The following LRRC4C variants were observed in gnomAD, a reference collection of about 807,000 sequenced individuals.
The protein encoded by LRRC4C is leucine rich repeat containing 4C.
A neutral mutation model predicts 33.6 loss-of-function variants in LRRC4C; 5 were observed. That is an observed-to-expected ratio of 0.15 (90% CI 0.08 to 0.31). LRRC4C has a LOEUF of 0.31. LRRC4C is among the 10% of genes least tolerant of loss of function. The pLI, the probability that LRRC4C is intolerant of heterozygous loss-of-function variation, is 1.00. For synonymous variants in LRRC4C, 329 were observed against 302.0 expected (o/e 1.09, Z -0.93); for missense variants, 560 against 796.7 (o/e 0.70, Z 3.58).
At chr11:40,700,892 T>C (rs572546307) in intron 2 of LRRC4C, among the ~76,000 whole-genome samples, 37 of 152,348 alleles carry the variant, frequency 2.4e-4, no homozygotes, top group South Asian at 1.4e-3. Context: ...CCTTTATGCA[T>C]ATGCATATAT....
intron 1 of LRRC4C, among the ~76,000 whole-genome samples, chr11:41,223,454 C>A (rs958502242): frequency 6.6e-6 from 1 of 152,128 alleles, no homozygotes; most frequent in Admixed American, 6.6e-5. Context: ...ATTATTTATT[C>A]ATTCATTCAT....
intron 3 of LRRC4C, among the ~76,000 whole-genome samples, chr11:40,383,513 C>T (rs1235286984): frequency 6.6e-6 from 1 of 152,042 alleles, no homozygotes; most frequent in East Asian, 1.9e-4. Flanking sequence ...ACATTCTTAC[C>T]AACATTTGTT....
At chr11:41,458,771 C>T (rs767837380) in intron 1 of LRRC4C, among the ~76,000 whole-genome samples, 1 of 152,010 alleles carries the variant, frequency 6.6e-6, no homozygotes, top group Admixed American at 6.6e-5. Context: ...AATCAGGGGA[C>T]ACTGCATTCC....
chr11:40,774,927 G>T (rs1260017746), intron 2 of LRRC4C, among the ~76,000 whole-genome samples: 1 of 151,878 alleles, frequency 6.6e-6, no homozygotes, highest in African/African-American at 2.4e-5. Flanking sequence ...ATAATTATCT[G>T]CTGGCATATT....
At chr11:40,295,964 G>T (rs1471767660) in intron 4 of LRRC4C, among the ~76,000 whole-genome samples, 1 of 152,142 alleles carries the variant, frequency 6.6e-6, no homozygotes, top group Non-Finnish European at 1.5e-5. Context: ...AGCTTCAAAG[G>T]AGTCTATCCT....
intron 1 of LRRC4C, among the ~76,000 whole-genome samples, chr11:40,971,471 GC>G (rs1565257017): frequency 1.3e-5 from 2 of 152,226 alleles, no homozygotes; most frequent in Admixed American, 6.5e-5. Flanking sequence ...AGACTTGGGA[GC>G]CCCCATCTAG....
At chr11:40,317,939 C>T (rs753357034) in intron 4 of LRRC4C, among the ~76,000 whole-genome samples, 2 of 152,064 alleles carry the variant, frequency 1.3e-5, no homozygotes, top group Non-Finnish European at 2.9e-5. Context: ...TGAACACAGG[C>T]AGGATCAGAA....
chr11:41,439,768 GT>G (rs1277322090), intron 1 of LRRC4C, among the ~76,000 whole-genome samples: 1 of 152,182 alleles, frequency 6.6e-6, no homozygotes, highest in Admixed American at 6.5e-5. Flanking sequence ...GAAAGTCCCA[GT>G]TTAGTTAGTA....
intron 1 of LRRC4C, among the ~76,000 whole-genome samples, chr11:41,199,910 T>C (rs568358935): frequency 3.2e-4 from 48 of 152,128 alleles, no homozygotes; most frequent in Non-Finnish European, 6.2e-4. Context: ...ATACATTCCT[T>C]ACATCTTAAC....
chr11:41,027,323 T>C (rs1456836314), intron 1 of LRRC4C, among the ~76,000 whole-genome samples: 4 of 151,690 alleles, frequency 2.6e-5, no homozygotes, highest in Non-Finnish European at 5.9e-5. Flanking sequence ...TACTTGACCT[T>C]GGGAAAACTT....
intron 1 of LRRC4C, among the ~76,000 whole-genome samples, chr11:41,335,675 T>A (rs1591294628): frequency 6.6e-6 from 1 of 152,194 alleles, no homozygotes; most frequent in South Asian, 2.1e-4. Context: ...CAATAATAGA[T>A]CTTGACTCAT....
At chr11:41,110,353 C>T (rs1349930028) in intron 1 of LRRC4C, among the ~76,000 whole-genome samples, 3 of 152,064 alleles carry the variant, frequency 2.0e-5, no homozygotes, top group Admixed American at 6.6e-5. Context: ...CAGCCATTTT[C>T]ACTTTACATT....
At chr11:40,927,633 C>T (rs1304331577) in intron 2 of LRRC4C, among the ~76,000 whole-genome samples, 1 of 152,058 alleles carries the variant, frequency 6.6e-6, no homozygotes, top group Admixed American at 6.6e-5. Context: ...TAGTCCTTTG[C>T]TCTTTGGAGT....
intron 3 of LRRC4C, among the ~76,000 whole-genome samples, chr11:40,415,901 A>G (rs1375525328): frequency 2.0e-5 from 3 of 152,206 alleles, no homozygotes; most frequent in Non-Finnish European, 4.4e-5. Context: ...TGAGAATGAA[A>G]TGCATACGCA....
chr11:40,952,564 A>C (rs1958743953), intron 1 of LRRC4C, among the ~76,000 whole-genome samples: 1 of 152,058 alleles, frequency 6.6e-6, no homozygotes, highest in East Asian at 1.9e-4. Context: ...TCAGCAATGC[A>C]AATGTAAATA....
chr11:40,729,036 T>A (rs1040913066), intron 2 of LRRC4C, among the ~76,000 whole-genome samples: 1 of 152,216 alleles, frequency 6.6e-6, no homozygotes, highest in East Asian at 1.9e-4. Flanking sequence ...AATATTATCT[T>A]CACTACCTGG....
intron 2 of LRRC4C, among the ~76,000 whole-genome samples, chr11:40,668,094 T>A (rs911773809): frequency 3.3e-5 from 5 of 152,122 alleles, no homozygotes; most frequent in African/African-American, 9.7e-5. Flanking sequence ...TTTGGAGAGA[T>A]GAGGTTGACA....
chr11:41,311,497 T>C (rs1294686929), intron 1 of LRRC4C, among the ~76,000 whole-genome samples: 1 of 152,214 alleles, frequency 6.6e-6, no homozygotes, highest in Non-Finnish European at 1.5e-5. Context: ...AAGATAAATC[T>C]AACTTCCTCT....
chr11:40,506,769 G>C (rs1955056879), intron 3 of LRRC4C, among the ~76,000 whole-genome samples: 1 of 151,968 alleles, frequency 6.6e-6, no homozygotes, highest in Non-Finnish European at 1.5e-5. Context: ...AAGAGCATTG[G>C]CACAACAATA....
Sources: allele counts gnomAD v4.1 joint callset (sites outside exome capture counted in the v4.1 genomes callset), GRCh38; gene constraint gnomAD v4.1.1; transcripts MANE v1.5; gene names NCBI Gene and HGNC (gene_info 2026-07-23, HGNC 2026-07-21).